ENPP3: variants seen among roughly 807,000 people sequenced by gnomAD.
ENPP3 encodes ectonucleotide pyrophosphatase/phosphodiesterase family member 3.
Under a neutral mutation model 117.8 loss-of-function variants are expected in ENPP3, and 104 were observed. The observed-to-expected ratio is 0.88, with a 90% CI of 0.75 to 1.04. The LOEUF (loss-of-function observed/expected upper bound fraction) is 1.04, where lower values mean the gene tolerates loss of function less well. ENPP3 is among the 50% of genes least tolerant of loss of function. The pLI is 0.00. For missense variants in ENPP3, 1,026 were observed against 1,051.9 expected (o/e 0.98, Z 0.34); for synonymous variants, 380 against 349.9 (o/e 1.09, Z -0.96).
chr6:131,687,694 G>A (rs1376738561), intron 14 of ENPP3, among the ~76,000 whole-genome samples: 1 of 152,040 alleles, frequency 6.6e-6, no homozygotes, highest in Non-Finnish European at 1.5e-5. Flanking sequence ...CAAAACAAAT[G>A]AACAGACACT....
chr6:131,674,132 C>G, intron 7 of ENPP3, 30 bp from the exon 8 acceptor site: 9 of 1,371,652 alleles, frequency 6.6e-6, no homozygotes, highest in Non-Finnish European at 9.2e-6. Context: ...AATATTTTAT[C>G]TTACATCTTT....
At position 131,726,060 on chromosome 6, in the gene ENPP3, A is replaced by G; in HGVS notation, c.1813A>G (p.Lys605Glu). ...LTQEEITATV[K>E]VNLPFGRPRV... is the part of the protein sequence containing the mutation. ...TTTAATTTTAGTAACAGCAACAGTG[A>G]AAGTAAATTTGCCATTTGGGAGGCC... Residue 605 changes from lysine (K) to glutamate (E), a missense_variant, in exon 20 of 25, where the codon AAA becomes GAA. Physicochemically the swap from Lys to Glu is moderately conservative, Grantham distance 56. Coordinates refer to ENST00000357639, the MANE Select transcript of ENPP3 (RefSeq NM_005021.5). 6.2e-7 allele frequency: 1 copy of G among 1,610,884 alleles called. No individual in the cohort carries two copies.
chr6:131,659,045 G>A (rs1023918357), intron 6 of ENPP3, among the ~76,000 whole-genome samples: 5 of 152,150 alleles, frequency 3.3e-5, no homozygotes, highest in Non-Finnish European at 2.9e-5. Context: ...GGCATACAAT[G>A]GGTGGTTTTA....
In ENPP3 at chr6:131,637,395, C is replaced by G. The variant is rs780707010; in HGVS notation, c.11C>G (p.Thr4Arg). 1.3e-6 allele frequency: 2 copies of G among 1,595,250 alleles called. No individual in the cohort carries two copies. Among genetic ancestry groups the G allele is most frequent in the African/African-American group, 2.7e-5 (2 of 74,134 alleles). Residue 4 changes from threonine to arginine, a missense_variant, in exon 1 of 25, where the codon ACG becomes AGG. Coordinates refer to ENST00000357639, the MANE Select transcript of ENPP3 (RefSeq NM_005021.5). ...GCAGCTACCAGGACAATGGAATCTACGTTGACTTTAGCAACGGAACAACCT... is the reference window on the plus strand; with the variant it reads ...GCAGCTACCAGGACAATGGAATCTAGGTTGACTTTAGCAACGGAACAACCT... MES[T>R]LTLATEQPVK...
chr6:131,718,100 C>G (rs1779936696), intron 15 of ENPP3, among the ~76,000 whole-genome samples: 1 of 152,210 alleles, frequency 6.6e-6, no homozygotes, highest in African/African-American at 2.4e-5. Flanking sequence ...TATTCCTGCC[C>G]TTAAGCAACG....
At chr6:131,706,922 G>A (rs1158664676) in intron 15 of ENPP3, among the ~76,000 whole-genome samples, 13 of 152,010 alleles carry the variant, frequency 8.6e-5, no homozygotes, top group African/African-American at 2.9e-4. Flanking sequence ...CTCTCTCCTG[G>A]TTTTGGTATC....
At chr6:131,645,684 A>G (rs1314557819) in intron 2 of ENPP3, among the ~76,000 whole-genome samples, 1 of 152,162 alleles carries the variant, frequency 6.6e-6, no homozygotes, top group Non-Finnish European at 1.5e-5. Context: ...TTGAATTCTA[A>G]GATGGAAATA....
chr6:131,738,815 T>G (rs540894321), intron 23 of ENPP3, among the ~76,000 whole-genome samples: 2 of 152,294 alleles, frequency 1.3e-5, no homozygotes, highest in East Asian at 3.9e-4. Context: ...AATTGTACTG[T>G]CTAAGCCTAG....
At chr6:131,738,270 A>G (rs983481436) in intron 23 of ENPP3, 107 bp downstream of exon 23, 7 of 883,584 alleles carry the variant, frequency 7.9e-6, no homozygotes, top group Non-Finnish European at 1.2e-5. Context: ...ATTCACAGAC[A>G]AATGTTATTG....
chr6:131,669,845 A>G (rs967419052), intron 6 of ENPP3, among the ~76,000 whole-genome samples: 8 of 152,092 alleles, frequency 5.3e-5, no homozygotes, highest in African/African-American at 7.2e-5. Context: ...CCCCATGTCT[A>G]TTTGAGAAAA....
chr6:131,683,025 G>A (rs758588818), intron 11 of ENPP3, 29 bp from the exon 12 acceptor site: 27 of 1,348,614 alleles, frequency 2.0e-5, no homozygotes, highest in Admixed American at 6.7e-5. Context: ...AACTCATTAC[G>A]ACAATCTTAA....
rs183821246 is a variant in ENPP3 at position 131,669,535 on chromosome 6, G to A, written c.563-1713G>A. Among the ~76,000 whole-genome samples, 4 of 151,452 alleles carry A rather than the reference G, an allele frequency of 2.6e-5. No homozygotes were observed. The East Asian group carries it at 7.8e-4, about 29-fold the overall frequency. On this transcript the variant is annotated intron_variant, in intron 6 of 24. Transcript: ENST00000357639. Reference sequence around the variant, plus strand: ...TAAAAAATACAAAAATTACCTGGGCGTGGTGGCAGGCACCTGTAGTCCCAG... The same window carrying A: ...TAAAAAATACAAAAATTACCTGGGCATGGTGGCAGGCACCTGTAGTCCCAG...
chr6:131,661,166 A>G (rs1778491597), intron 6 of ENPP3, among the ~76,000 whole-genome samples: 1 of 152,152 alleles, frequency 6.6e-6, no homozygotes, highest in Non-Finnish European at 1.5e-5. Context: ...CTTGGCTCTT[A>G]TGAGTAGTGC....
intron 20 of ENPP3, among the ~76,000 whole-genome samples, chr6:131,729,804 G>C (rs1780237468): frequency 1.3e-5 from 2 of 152,044 alleles, no homozygotes; most frequent in African/African-American, 4.8e-5. Flanking sequence ...ACTTTTATTT[G>C]AGGGTTCAAG....
At chr6:131,654,109 T>TTTACTA (rs150889038) in intron 5 of ENPP3, among the ~76,000 whole-genome samples, 85 of 143,298 alleles carry the variant, frequency 5.9e-4, no homozygotes, top group African/African-American at 2.1e-3. Context: ...AAATTTAAGT[T>TTTACTA]TTATTATTAT....
intron 24 of ENPP3, among the ~76,000 whole-genome samples, chr6:131,741,300 T>C (rs539521487): frequency 2.0e-5 from 3 of 152,282 alleles, no homozygotes; most frequent in African/African-American, 7.2e-5. Flanking sequence ...GAACACATTG[T>C]CCCTGCTTTT....
intron 15 of ENPP3, among the ~76,000 whole-genome samples, chr6:131,697,645 G>A (rs932094042): frequency 3.3e-5 from 5 of 151,782 alleles, no homozygotes; most frequent in South Asian, 2.1e-4. Flanking sequence ...TTAGATTTTC[G>A]TAAGGAGCAT....
chr6:131,722,406 G>C lies in ENPP3; in HGVS notation c.1746+1G>C. ...CTGTTTCTGCCCTCACCTACAAAAT[G>C]TAAGTAACAACTTCATGCATCCATA... On this transcript the variant is annotated splice_donor_variant, in intron 18 of 24. Coordinates refer to ENST00000357639, the MANE Select transcript of ENPP3 (RefSeq NM_005021.5). LOFTEE classifies it high-confidence loss of function. 5 of 1,612,142 alleles carry C rather than the reference G, an allele frequency of 3.1e-6. No individual in the cohort carries two copies. Among genetic ancestry groups the C allele is most frequent in the Non-Finnish European group, 4.2e-6 (5 of 1,179,130 alleles).
intron 6 of ENPP3, among the ~76,000 whole-genome samples, chr6:131,670,729 G>A (rs1299313407): frequency 2.6e-5 from 4 of 152,118 alleles, no homozygotes; most frequent in African/African-American, 9.7e-5. Context: ...TTGAGCTCAA[G>A]TGATCTGCCG....
Sources: gnomAD v4.1 joint callset for allele counts (sites outside exome capture counted in the v4.1 genomes callset) on GRCh38, gnomAD v4.1.1 for gene constraint, MANE v1.5 for transcripts, NCBI Gene and HGNC (gene_info 2026-07-23, HGNC 2026-07-21) for gene names.